POU6F2: variants seen among roughly 807,000 people sequenced by gnomAD.
The protein encoded by POU6F2 is POU class 6 homeobox 2.
POU6F2 carries 31 observed loss-of-function variants against 71.3 expected under a neutral mutation model. That is an observed-to-expected ratio of 0.43 (90% CI 0.33 to 0.59). The LOEUF (loss-of-function observed/expected upper bound fraction) is 0.59. POU6F2 is among the 20% of genes least tolerant of loss of function. The pLI, the probability that POU6F2 is intolerant of heterozygous loss-of-function variation, is 0.04. For synonymous variants in POU6F2, 347 were observed against 355.7 expected (o/e 0.98, Z 0.27); for missense variants, 783 against 856.8 (o/e 0.91, Z 1.07).
At chr7:39,163,181 CAATT>C (rs759282038) in intron 2 of POU6F2, among the ~76,000 whole-genome samples, 1 of 152,174 alleles carries the variant, frequency 6.6e-6, no homozygotes, top group Non-Finnish European at 1.5e-5. Flanking sequence ...GTTTTGTGGA[CAATT>C]AATTAGATAA....
intron 7 of POU6F2, among the ~76,000 whole-genome samples, chr7:39,444,771 G>A (rs1788484994): frequency 6.6e-6 from 1 of 152,178 alleles, no homozygotes; most frequent in East Asian, 1.9e-4. Context: ...CAGAGGCCCT[G>A]TTTTCTTTCC....
intron 4 of POU6F2, among the ~76,000 whole-genome samples, chr7:39,322,909 C>T (rs1785425102): frequency 1.3e-5 from 2 of 152,154 alleles, no homozygotes; most frequent in African/African-American, 2.4e-5. Context: ...AGCAGTGGAT[C>T]TTGGGAACCT....
intron 2 of POU6F2, among the ~76,000 whole-genome samples, chr7:39,188,503 G>T (rs1793592197): frequency 6.6e-6 from 1 of 152,074 alleles, no homozygotes; most frequent in Non-Finnish European, 1.5e-5. Context: ...AGTAGAAACA[G>T]GGTTTCGCCA....
intron 6 of POU6F2, 100 bp downstream of exon 6, chr7:39,406,840 T>C: frequency 6.9e-7 from 1 of 1,449,940 alleles, no homozygotes; most frequent in South Asian, 1.2e-5. Flanking sequence ...ACCGCATCTA[T>C]TCGAGGCAAA....
At chr7:39,314,507 G>A (rs1785225965) in intron 4 of POU6F2, among the ~76,000 whole-genome samples, 1 of 152,096 alleles carries the variant, frequency 6.6e-6, no homozygotes, top group Non-Finnish European at 1.5e-5. Flanking sequence ...TGCTGGGAGT[G>A]GTAAGGAAGA....
At chr7:39,204,465 T>C in intron 3 of POU6F2, 139 bp downstream of exon 3, 1 of 624,892 alleles carries the variant, frequency 1.6e-6, no homozygotes, top group Non-Finnish European at 2.7e-6. Flanking sequence ...TATGAAAAGC[T>C]GTATGACTAC....
At chr7:39,463,755 G>T (rs1789001977) in intron 9 of POU6F2, among the ~76,000 whole-genome samples, 3 of 152,152 alleles carry the variant, frequency 2.0e-5, no homozygotes, top group Non-Finnish European at 1.5e-5. Context: ...AACACGTAAA[G>T]AATCATTTTA....
intron 9 of POU6F2, among the ~76,000 whole-genome samples, chr7:39,462,119 A>T (rs946794681): frequency 1.3e-5 from 2 of 152,202 alleles, no homozygotes; most frequent in African/African-American, 4.8e-5. Context: ...AGTGCTGGCT[A>T]ATGTTTAACT....
chr7:39,053,582 A>C (rs562249449), intron 1 of POU6F2, among the ~76,000 whole-genome samples: 93 of 152,236 alleles, frequency 6.1e-4, no homozygotes, highest in African/African-American at 2.1e-3. Flanking sequence ...TATGAAATGA[A>C]TATTTCATCT....
chr7:39,407,622 C>T lies in POU6F2; in HGVS notation c.1113+882C>T, dbSNP rs182721677. 1.6e-4 allele frequency among the ~76,000 whole-genome samples: 25 copies of T among 152,044 alleles called. 1 individual carries two copies. The highest frequency in any genetic ancestry group is 5.2e-4 in the Admixed American group (8 of 15,254). ...CCAAGGGAGAAGGAGCTAGCATTCT[C>T]ACAAAGACTTTTCCCCCCAGCCTTA... On this transcript the variant is annotated intron_variant, in intron 6 of 9. Coordinates refer to ENST00000518318, the MANE Select transcript of POU6F2 (RefSeq NM_001370959.1).
intron 4 of POU6F2, among the ~76,000 whole-genome samples, chr7:39,216,982 C>T (rs1794256283): frequency 6.6e-6 from 1 of 151,952 alleles, no homozygotes; most frequent in Non-Finnish European, 1.5e-5. Context: ...AAGATAAATA[C>T]TGTATATAAC....
At chr7:39,293,205 G>T (rs1198246099) in intron 4 of POU6F2, among the ~76,000 whole-genome samples, 1 of 152,124 alleles carries the variant, frequency 6.6e-6, no homozygotes. Flanking sequence ...TGGCTTCTGG[G>T]GGGCCACCCT....
chr7:39,183,230 A>C (rs1189818154), intron 2 of POU6F2, among the ~76,000 whole-genome samples: 1 of 152,198 alleles, frequency 6.6e-6, no homozygotes, highest in Non-Finnish European at 1.5e-5. Flanking sequence ...GGAGAGTGTC[A>C]TCCCGAAACC....
chr7:39,119,849 T>C (rs772999932), intron 2 of POU6F2, among the ~76,000 whole-genome samples: 2 of 152,226 alleles, frequency 1.3e-5, no homozygotes, highest in Non-Finnish European at 2.9e-5. Context: ...TAAGAATATA[T>C]GTCATACCTG....
chr7:39,237,110 A>G (rs1794688828), intron 4 of POU6F2, among the ~76,000 whole-genome samples: 1 of 152,174 alleles, frequency 6.6e-6, no homozygotes, highest in African/African-American at 2.4e-5. Flanking sequence ...GCCTTGAGGG[A>G]AAACAGCCCT....
intron 1 of POU6F2, among the ~76,000 whole-genome samples, chr7:39,015,682 T>A (rs1408403405): frequency 1.0e-5 from 1 of 95,728 alleles, no homozygotes; most frequent in Non-Finnish European, 2.0e-5. Context: ...TATATCTATG[T>A]TATATATCTA....
intron 7 of POU6F2, among the ~76,000 whole-genome samples, chr7:39,436,923 G>T (rs938257041): frequency 3.3e-5 from 5 of 152,096 alleles, no homozygotes; most frequent in African/African-American, 1.2e-4. Flanking sequence ...AATGGATTAC[G>T]CTTATTCATT....
intron 7 of POU6F2, among the ~76,000 whole-genome samples, chr7:39,439,588 C>A (rs1788341733): frequency 6.6e-6 from 1 of 152,228 alleles, no homozygotes; most frequent in African/African-American, 2.4e-5. Flanking sequence ...CTCCTGGGTT[C>A]AACTGATTCT....
intron 4 of POU6F2, among the ~76,000 whole-genome samples, chr7:39,339,173 A>C (rs989174351): frequency 2.6e-5 from 4 of 152,158 alleles, no homozygotes; most frequent in African/African-American, 9.7e-5. Context: ...TGATACCATT[A>C]ATGATATTGA....
Sources: gnomAD v4.1 joint callset for allele counts (sites outside exome capture counted in the v4.1 genomes callset) on GRCh38, gnomAD v4.1.1 for gene constraint, MANE v1.5 for transcripts, NCBI Gene and HGNC (gene_info 2026-07-23, HGNC 2026-07-21) for gene names.